The following AUTS2 variants were observed in gnomAD, a reference collection of about 807,000 sequenced individuals.
The protein encoded by AUTS2 is autism susceptibility gene 2 protein.
A neutral mutation model predicts 112.4 loss-of-function variants in AUTS2; 17 were observed. The ratio of observed to expected loss-of-function variants is 0.15; its 90% CI spans 0.10 to 0.23. The LOEUF (loss-of-function observed/expected upper bound fraction) is 0.23, where lower values mean the gene tolerates loss of function less well. AUTS2 is among the 10% of genes least tolerant of loss of function. AUTS2 has a pLI of 1.00. For synonymous variants in AUTS2, 751 were observed against 702.7 expected (o/e 1.07, Z -1.09); for missense variants, 1,510 against 1,701.6 (o/e 0.89, Z 1.98).
intron 1 of AUTS2, among the ~76,000 whole-genome samples, chr7:69,891,045 T>C (rs536906762): frequency 4.6e-5 from 7 of 152,214 alleles, no homozygotes; most frequent in Non-Finnish European, 1.0e-4. Context: ...TTGATGAGTT[T>C]TGACATGTGT....
intron 1 of AUTS2, among the ~76,000 whole-genome samples, chr7:69,775,500 C>A (rs1276897563): frequency 6.6e-6 from 1 of 152,126 alleles, no homozygotes; most frequent in Non-Finnish European, 1.5e-5. Flanking sequence ...CATTTCCAAT[C>A]CAGGCCTGGG....
intron 1 of AUTS2, among the ~76,000 whole-genome samples, chr7:69,738,371 A>G (rs957897528): frequency 1.4e-4 from 22 of 152,268 alleles, no homozygotes; most frequent in Middle Eastern, 3.4e-3. Context: ...ACTTCCCACA[A>G]TGACCCTGGG....
At chr7:70,019,567 A>G (rs1800184245) in intron 2 of AUTS2, among the ~76,000 whole-genome samples, 1 of 152,138 alleles carries the variant, frequency 6.6e-6, no homozygotes, top group Non-Finnish European at 1.5e-5. Flanking sequence ...AGTGACATCT[A>G]GTAGATTGAA....
In AUTS2 at chr7:70,514,228, G is replaced by A. The variant is rs547846479; in HGVS notation, c.690+78447G>A. ...TGTTTTTCATTTTTAATATAATGAC[G>A]AAGTCCACAGTCAACCATTGTTTCT... On this transcript the variant is annotated intron_variant, in intron 5 of 18. Coordinates refer to ENST00000342771, the MANE Select transcript of AUTS2 (RefSeq NM_015570.4). 1.2e-3 allele frequency among the ~76,000 whole-genome samples: 180 copies of A among 152,222 alleles called. 8 individuals are homozygous for A. In the South Asian group the frequency reaches 0.029, roughly 25 times the overall value.
At chr7:69,955,860 G>C (rs1352115909) in intron 2 of AUTS2, among the ~76,000 whole-genome samples, 1 of 152,066 alleles carries the variant, frequency 6.6e-6, no homozygotes, top group African/African-American at 2.4e-5. Flanking sequence ...CATTTTAAGG[G>C]TATGCTCAAG....
chr7:70,127,625 T>C (rs570382962), intron 3 of AUTS2, among the ~76,000 whole-genome samples: 1 of 152,298 alleles, frequency 6.6e-6, no homozygotes, highest in Admixed American at 6.5e-5. Context: ...TTGTTAGTTA[T>C]GAGAAGACAG....
At chr7:70,414,736 C>T (rs1366793978) in intron 4 of AUTS2, among the ~76,000 whole-genome samples, 1 of 152,136 alleles carries the variant, frequency 6.6e-6, no homozygotes, top group Non-Finnish European at 1.5e-5. Context: ...GTCCCATCGC[C>T]GTCTCAGGCT....
At chr7:70,517,159 A>T (rs1318856075) in intron 5 of AUTS2, among the ~76,000 whole-genome samples, 3 of 152,184 alleles carry the variant, frequency 2.0e-5, no homozygotes, top group Non-Finnish European at 2.9e-5. Context: ...CAAGTATATA[A>T]CCGGACTTGA....
At chr7:70,094,806 G>T (rs1804105166) in intron 2 of AUTS2, among the ~76,000 whole-genome samples, 1 of 152,104 alleles carries the variant, frequency 6.6e-6, no homozygotes, top group Admixed American at 6.6e-5. Flanking sequence ...GTGGAATGTT[G>T]CCTGTCTTAT....
At chr7:70,570,090 G>A (rs546476733) in intron 5 of AUTS2, among the ~76,000 whole-genome samples, 118 of 152,192 alleles carry the variant, frequency 7.8e-4, no homozygotes, top group Non-Finnish European at 1.4e-3. Context: ...TAATCAGAAC[G>A]TGTCTGGAAA....
rs150832923 is a variant in AUTS2 at position 70,701,526 on chromosome 7, G to A, written c.742+2906G>A. 3.0e-4 allele frequency among the ~76,000 whole-genome samples: 45 copies of A among 152,264 alleles called. No individual in the cohort carries two copies. In the Middle Eastern group the frequency reaches 0.017, roughly 58 times the overall value. ...CACGTTTGTTCATCGATTTTATTTTGACTTTCCCTGTGTTATAGATGCCAT... is the reference window on the plus strand; with the variant it reads ...CACGTTTGTTCATCGATTTTATTTTAACTTTCCCTGTGTTATAGATGCCAT... On this transcript the variant is annotated intron_variant, in intron 6 of 18. Coordinates refer to ENST00000342771, the MANE Select transcript of AUTS2 (RefSeq NM_015570.4).
At position 70,762,886 on chromosome 7, in the gene AUTS2, T is replaced by G; in HGVS notation, c.759T>G (p.Val253=). ...CCCATGCAGATCCGGAGTTAGGTGT[T>G]GGCACGCTACCAGAACATGACAGCC... is the stretch of plus-strand genomic sequence containing the variant. The part of the protein sequence containing the change: ...VIVNKDPELG[V]GTLPEHDSQD... The change falls in exon 7 of 19, where the codon GTT becomes GTG. Residue 253 remains valine, a synonymous_variant. Coordinates refer to ENST00000342771, the MANE Select transcript of AUTS2 (RefSeq NM_015570.4). 6.2e-7 allele frequency: 1 copy of G among 1,613,536 alleles called. No individual in the cohort carries two copies. The highest frequency in any genetic ancestry group is 8.5e-7 in the Non-Finnish European group (1 of 1,179,616).
At chr7:70,595,608 C>G (rs900810571) in intron 5 of AUTS2, among the ~76,000 whole-genome samples, 11 of 152,038 alleles carry the variant, frequency 7.2e-5, no homozygotes, top group African/African-American at 2.4e-4. Context: ...TGAGGACACC[C>G]GGCGTCCAGG....
chr7:70,321,949 G>C (rs1458405525), intron 4 of AUTS2, among the ~76,000 whole-genome samples: 4 of 152,136 alleles, frequency 2.6e-5, no homozygotes, highest in Non-Finnish European at 5.9e-5. Context: ...GTCAGTCCAA[G>C]TGAGAAAAAA....
At chr7:70,517,521 TATATACAAATTGCATATACAC>T (rs1234906782) in intron 5 of AUTS2, among the ~76,000 whole-genome samples, 773 of 52,188 alleles carry the variant, frequency 0.015, 10 homozygotes, top group African/African-American at 0.053. Context: ...TATATACACA[TATATACAAATTGCATATACAC>T]ATATATACAA....
At position 70,785,940 on chromosome 7, in the gene AUTS2, C is replaced by T. The variant is rs769954590; in HGVS notation, c.2225-15C>T. On this transcript the variant is annotated splice_polypyrimidine_tract_variant and intron_variant, in intron 16 of 18. Coordinates refer to ENST00000342771, the MANE Select transcript of AUTS2 (RefSeq NM_015570.4). ...GAGCCCCTGACCATTTCCTTCTTCC[C>T]CATCTTGTTTGCAGAGCCTTTTAAT... The T allele has an allele frequency of 8.1e-5, 131 of 1,613,142 alleles. No individual in the cohort carries two copies. The South Asian group carries it at 1.3e-3, about 16-fold the overall frequency.
intron 4 of AUTS2, among the ~76,000 whole-genome samples, chr7:70,428,777 T>A (rs1795533676): frequency 6.6e-6 from 1 of 152,292 alleles, no homozygotes; most frequent in Non-Finnish European, 1.5e-5. Flanking sequence ...TTGTATGTGA[T>A]ATATTCAATG....
rs569010469 is a variant in AUTS2 at position 70,431,116 on chromosome 7, C to A, written c.661-4636C>A. Among the ~76,000 whole-genome samples the A allele has an allele frequency of 3.9e-5, 6 of 152,064 alleles. No individual in the cohort carries two copies. The East Asian group carries it at 9.7e-4, about 25-fold the overall frequency. ...CCTCCCAAAGTGCTGGTATTACAGG[C>A]GTGAGCCACCGCGCCCGGCCGTGTC... is the stretch of plus-strand genomic sequence containing the variant. On this transcript the variant is annotated intron_variant, in intron 4 of 18. Coordinates refer to ENST00000342771, the MANE Select transcript of AUTS2 (RefSeq NM_015570.4).
intron 4 of AUTS2, among the ~76,000 whole-genome samples, chr7:70,288,940 G>A (rs968348495): frequency 5.3e-5 from 8 of 152,264 alleles, no homozygotes; most frequent in South Asian, 2.1e-4. Flanking sequence ...AATGCAACCC[G>A]TAGGGCATAC....
Sources: allele counts gnomAD v4.1 joint callset (sites outside exome capture counted in the v4.1 genomes callset), GRCh38; gene constraint gnomAD v4.1.1; transcripts MANE v1.5; gene names NCBI Gene and HGNC (gene_info 2026-07-23, HGNC 2026-07-21).